Variants in SYT1 observed in about 807,000 individuals in gnomAD.
SYT1 encodes the protein synaptotagmin-1.
A neutral mutation model predicts 44.8 loss-of-function variants in SYT1; 8 were observed. The observed-to-expected ratio is 0.18, with a 90% confidence interval of 0.10 to 0.32. The LOEUF is 0.32. SYT1 is among the 10% of genes least tolerant of loss of function. SYT1 has a pLI of 1.00. For missense variants in SYT1, 286 were observed against 509.3 expected (o/e 0.56, Z 4.22); for synonymous variants, 154 against 188.8 (o/e 0.82, Z 1.51).
At chr12:79,107,029 T>C (rs146908730) in intron 3 of SYT1, among the ~76,000 whole-genome samples, 192 of 152,094 alleles carry the variant, frequency 1.3e-3, no homozygotes, top group African/African-American at 4.3e-3. Flanking sequence ...AGCATGCTTA[T>C]CTATATAAAT....
At chr12:79,425,560 A>T (rs181664900) in intron 9 of SYT1, among the ~76,000 whole-genome samples, 307 of 152,278 alleles carry the variant, frequency 2.0e-3, no homozygotes, top group African/African-American at 6.2e-3. Flanking sequence ...ATTCATATTA[A>T]TCACCTCACT....
chr12:79,144,814 C>T lies in SYT1; in HGVS notation c.-17-72689C>T, dbSNP rs138429429. Among the ~76,000 whole-genome samples the T allele has an allele frequency of 3.5e-3, 527 of 152,328 alleles. 6 individuals are homozygous for T. The highest frequency in any genetic ancestry group is 0.012 in the African/African-American group (505 of 41,576). On this transcript the variant is annotated intron_variant, in intron 3 of 10. Coordinates refer to ENST00000261205, the MANE Select transcript of SYT1 (RefSeq NM_005639.3). ...GGAGAAATACTCTTGAATCCATCTG[C>T]ACTGTCAAAATCAAAACACTGTTTC...
chr12:79,064,944 G>GAAAGAAAGAA (rs1875681145), intron 3 of SYT1, among the ~76,000 whole-genome samples: 1 of 130,088 alleles, frequency 7.7e-6, no homozygotes, highest in South Asian at 2.6e-4. Flanking sequence ...AAGAAAGAAA[G>GAAAGAAAGAA]AAAGAAAGAA....
At chr12:79,046,458 G>A (rs987383831) in intron 2 of SYT1, 1 of 152,056 alleles carries the variant, frequency 6.6e-6, no homozygotes, top group African/African-American at 2.4e-5. Context: ...AAAGGTACTT[G>A]TCTGTAGCAT....
intron 1 of SYT1, among the ~76,000 whole-genome samples, chr12:78,905,732 G>A (rs1875942767): frequency 6.6e-6 from 1 of 151,766 alleles, no homozygotes; most frequent in Non-Finnish European, 1.5e-5. Context: ...CCTTTTAAGG[G>A]AAATGACCTA....
At chr12:79,227,580 A>C (rs1875598257) in intron 4 of SYT1, among the ~76,000 whole-genome samples, 1 of 152,212 alleles carries the variant, frequency 6.6e-6, no homozygotes, top group Non-Finnish European at 1.5e-5. Flanking sequence ...TATTGGATAG[A>C]CAGTTTAATT....
intron 2 of SYT1, among the ~76,000 whole-genome samples, chr12:79,026,970 C>T (rs969537560): frequency 4.0e-5 from 6 of 151,428 alleles, no homozygotes; most frequent in African/African-American, 1.5e-4. Flanking sequence ...ACAAATGCTA[C>T]AGCCGTTATA....
chr12:79,184,291 T>A (rs1235166826), intron 3 of SYT1, among the ~76,000 whole-genome samples: 1 of 152,096 alleles, frequency 6.6e-6, no homozygotes, highest in Non-Finnish European at 1.5e-5. Flanking sequence ...ATTGTACTTG[T>A]AGAACTATAT....
chr12:79,308,752 A>C (rs1220621353), intron 8 of SYT1, among the ~76,000 whole-genome samples: 1 of 152,214 alleles, frequency 6.6e-6, no homozygotes, highest in Non-Finnish European at 1.5e-5. Context: ...CACTGTGGCT[A>C]CAATACCAAT....
intron 3 of SYT1, among the ~76,000 whole-genome samples, chr12:79,113,093 CA>C: frequency 6.6e-6 from 1 of 152,170 alleles, no homozygotes; most frequent in Non-Finnish European, 1.5e-5. Context: ...ACATAAAAGT[CA>C]AGTTATGTTT....
chr12:79,267,578 GA>G (rs1878199601), intron 4 of SYT1, among the ~76,000 whole-genome samples: 1 of 152,208 alleles, frequency 6.6e-6, no homozygotes, highest in Non-Finnish European at 1.5e-5. Flanking sequence ...CAGAACTCAA[GA>G]AAGACATACT....
intron 2 of SYT1, among the ~76,000 whole-genome samples, chr12:78,991,771 G>A (rs1245538122): frequency 6.6e-6 from 1 of 151,998 alleles, no homozygotes; most frequent in Non-Finnish European, 1.5e-5. Flanking sequence ...ATAGTTTTAG[G>A]TGCTGTTTAT....
In SYT1 at chr12:79,291,993, TTTC is replaced by T; in HGVS notation, c.352-13_352-11del. 2 of 1,613,040 alleles carry T rather than the reference TTTC, an allele frequency of 1.2e-6. No individual in the cohort carries two copies. The highest frequency in any genetic ancestry group is 1.7e-6 in the Non-Finnish European group (2 of 1,179,772). The stretch of plus-strand genomic sequence containing the variant: ...AAACTCTGAAATTCACATGTGATCC[TTTC>T]TCTATACATAGGCCCTCAAGGATGA... On this transcript the variant is annotated splice_polypyrimidine_tract_variant and intron_variant, in intron 5 of 10. Coordinates refer to ENST00000261205, the MANE Select transcript of SYT1 (RefSeq NM_005639.3).
At chr12:78,953,160 G>A (rs1879050816) in intron 1 of SYT1, among the ~76,000 whole-genome samples, 1 of 152,066 alleles carries the variant, frequency 6.6e-6, no homozygotes, top group African/African-American at 2.4e-5. Context: ...GAGTGAATGA[G>A]TAAAAGACAA....
intron 9 of SYT1, among the ~76,000 whole-genome samples, chr12:79,397,299 G>A (rs1163110116): frequency 2.0e-5 from 3 of 152,144 alleles, no homozygotes; most frequent in Admixed American, 6.5e-5. Context: ...GCACAATCAC[G>A]GCTCACTGCA....
At chr12:79,393,328 G>A (rs1304143022) in intron 9 of SYT1, 1 of 152,186 alleles carries the variant, frequency 6.6e-6, no homozygotes, top group Non-Finnish European at 1.5e-5. Flanking sequence ...CCAGTAATGG[G>A]ATTGCTGGGT....
chr12:79,106,466 C>A (rs1312564407), intron 3 of SYT1, among the ~76,000 whole-genome samples: 1 of 150,120 alleles, frequency 6.7e-6, no homozygotes, highest in Admixed American at 6.6e-5. Context: ...CAGTTTATGG[C>A]ATGGCAAACA....
intron 8 of SYT1, among the ~76,000 whole-genome samples, chr12:79,325,469 T>C (rs1480129589): frequency 6.6e-6 from 1 of 152,226 alleles, no homozygotes; most frequent in Non-Finnish European, 1.5e-5. Context: ...ACACAAAATA[T>C]ATAGAGAATT....
chr12:78,883,139 G>T (rs186510135), intron 1 of SYT1, among the ~76,000 whole-genome samples: 83 of 151,602 alleles, frequency 5.5e-4, no homozygotes, highest in Admixed American at 1.5e-3. Flanking sequence ...TAATTTCTTC[G>T]AACAGTAATA....
Sources: allele counts gnomAD v4.1 joint callset (sites outside exome capture counted in the v4.1 genomes callset), GRCh38; gene constraint gnomAD v4.1.1; transcripts MANE v1.5; gene names NCBI Gene and HGNC (gene_info 2026-07-23, HGNC 2026-07-21).